Variants in SYK observed in about 807,000 individuals in gnomAD.
SYK encodes the protein spleen associated tyrosine kinase.
Under a neutral mutation model 77.8 loss-of-function variants are expected in SYK, and 16 were observed. The observed-to-expected ratio is 0.21, with a 90% CI of 0.14 to 0.31. The LOEUF (loss-of-function observed/expected upper bound fraction) is 0.31. SYK is among the 10% of genes least tolerant of loss of function. SYK has a pLI of 1.00. For missense variants in SYK, 529 were observed against 814.4 expected, an observed-to-expected ratio of 0.65 and a Z score of 4.26; for synonymous variants, 312 against 308.7, an observed-to-expected ratio of 1.01 and a Z score of -0.11.
chr9:90,828,628 T>A (rs1252675258), intron 1 of SYK, among the ~76,000 whole-genome samples: 3 of 152,198 alleles, frequency 2.0e-5, no homozygotes, highest in Non-Finnish European at 4.4e-5. Context: ...CAATTTTGGT[T>A]GCAACCCAGT....
At chr9:90,857,488 C>T (rs928329112) in intron 3 of SYK, among the ~76,000 whole-genome samples, 9 of 152,192 alleles carry the variant, frequency 5.9e-5, no homozygotes, top group East Asian at 3.8e-4. Flanking sequence ...ATGTTTTAAA[C>T]GACAGGTGTG....
At chr9:90,812,741 A>G (rs868017947) in intron 1 of SYK, among the ~76,000 whole-genome samples, 1,459 of 109,966 alleles carry the variant, frequency 0.013, 11 homozygotes, top group Middle Eastern at 0.034. Context: ...CCCATTTGAT[A>G]TGTGTGTGTG....
At chr9:90,850,855 A>C (rs1826794249) in intron 3 of SYK, among the ~76,000 whole-genome samples, 1 of 152,132 alleles carries the variant, frequency 6.6e-6, no homozygotes, top group Non-Finnish European at 1.5e-5. Context: ...CCTTGAAAAC[A>C]CTGAGGGTAA....
intron 11 of SYK, among the ~76,000 whole-genome samples, chr9:90,882,639 C>G (rs927393379): frequency 6.6e-6 from 1 of 152,168 alleles, no homozygotes; most frequent in Non-Finnish European, 1.5e-5. Flanking sequence ...AATAATTGAC[C>G]TGGGTGGAGA....
chr9:90,883,090 C>A (rs894024253), intron 11 of SYK, among the ~76,000 whole-genome samples: 2 of 152,096 alleles, frequency 1.3e-5, no homozygotes, highest in African/African-American at 4.8e-5. Context: ...AGAACCAAGT[C>A]CCCAAAGGAC....
intron 10 of SYK, among the ~76,000 whole-genome samples, chr9:90,878,420 G>A (rs1828025531): frequency 6.6e-6 from 1 of 152,182 alleles, no homozygotes; most frequent in Non-Finnish European, 1.5e-5. Context: ...CTTTGTAGGT[G>A]AGAAACTGAT....
At chr9:90,849,591 G>A (rs894508937) in intron 3 of SYK, among the ~76,000 whole-genome samples, 8 of 152,146 alleles carry the variant, frequency 5.3e-5, no homozygotes, top group African/African-American at 1.9e-4. Flanking sequence ...CATTACTGAT[G>A]GACAGATGCA....
chr9:90,853,883 A>T (rs1826913613), intron 3 of SYK, among the ~76,000 whole-genome samples: 1 of 152,122 alleles, frequency 6.6e-6, no homozygotes. Flanking sequence ...ATAATAAAAT[A>T]AAATAAAATA....
rs1441301966 is a variant in SYK at position 90,884,505 on chromosome 9, GTACA to G, written c.1582-3235_1582-3232del. ...CACACACATACACATATGTGTACAT[GTACA>G]TACATACACATACACATATGTGTAC... On this transcript the variant is annotated intron_variant, in intron 11 of 13. Transcript: ENST00000375754. Among the ~76,000 whole-genome samples the G allele has an allele frequency of 1.8e-3, 88 of 47,584 alleles. 31 individuals are homozygous for G. Among genetic ancestry groups the G allele is most frequent in the East Asian group, 0.015 (20 of 1,330 alleles). 31.2% of individuals were successfully genotyped at this position (47,584 alleles called of 152,430 possible).
At chr9:90,838,616 A>C (rs1445735446) in intron 1 of SYK, among the ~76,000 whole-genome samples, 1 of 152,246 alleles carries the variant, frequency 6.6e-6, no homozygotes, top group African/African-American at 2.4e-5. Flanking sequence ...TGCCAGACCC[A>C]GCAGGCTGAG....
At chr9:90,865,328 T>C (rs1167521084) in intron 6 of SYK, among the ~76,000 whole-genome samples, 1 of 151,724 alleles carries the variant, frequency 6.6e-6, no homozygotes, top group Non-Finnish European at 1.5e-5. Context: ...TTTTTGGAGA[T>C]GGAGTGTCTC....
intron 1 of SYK, among the ~76,000 whole-genome samples, chr9:90,823,686 T>G (rs539963680): frequency 6.6e-6 from 1 of 152,220 alleles, no homozygotes; most frequent in South Asian, 2.1e-4. Flanking sequence ...TCTAAAAAAA[T>G]ATTTTGAAGT....
At chr9:90,877,529 G>T (rs1290611566) in intron 9 of SYK, 42 bp from the exon 10 acceptor site, 1 of 1,603,354 alleles carries the variant, frequency 6.2e-7, no homozygotes. Flanking sequence ...TAGAAGTGAG[G>T]CATTTTGGAA....
chr9:90,843,837 C>A, intron 1 of SYK, 21 bp from the exon 2 acceptor site: 1 of 1,413,162 alleles, frequency 7.1e-7, no homozygotes, highest in Non-Finnish European at 9.2e-7. Flanking sequence ...CACCAAAGTT[C>A]TCTGTCTCTG....
intron 11 of SYK, among the ~76,000 whole-genome samples, chr9:90,883,307 C>T (rs1828229065): frequency 6.6e-6 from 1 of 152,012 alleles, no homozygotes; most frequent in African/African-American, 2.4e-5. Flanking sequence ...AGGAGCAGGC[C>T]CATAGCCAGC....
At chr9:90,860,019 C>T (rs752598091) in intron 3 of SYK, among the ~76,000 whole-genome samples, 2 of 152,148 alleles carry the variant, frequency 1.3e-5, no homozygotes, top group Non-Finnish European at 2.9e-5. Context: ...GATGGCGTCT[C>T]ACTCTGTTGC....
chr9:90,878,633 C>T (rs1040015717), intron 10 of SYK, 131 bp from the exon 11 acceptor site: 1 of 685,908 alleles, frequency 1.5e-6, no homozygotes, highest in Non-Finnish European at 2.5e-6. Flanking sequence ...TTATTTGTCA[C>T]CACTCGTGAG....
rs1244858250 is a variant in SYK at position 90,884,803 on chromosome 9, A to ATG, written c.1582-2942_1582-2941dup. 1.3e-3 allele frequency among the ~76,000 whole-genome samples: 101 copies of ATG among 75,990 alleles called. 35 individuals carry two copies. The highest frequency in any genetic ancestry group is 2.3e-3 in the Non-Finnish European group (86 of 38,116). 49.9% of individuals were successfully genotyped at this position (75,990 alleles called of 152,430 possible). A position where few individuals can be genotyped will look rare whatever the true frequency, so the allele number is the denominator to read the frequency against. On this transcript the variant is annotated intron_variant, in intron 11 of 13. Coordinates refer to ENST00000375754, the MANE Select transcript of SYK (RefSeq NM_003177.7). ...CATGTGTACATGCACATATACACAT[A>ATG]TGTGTACATACACATATACACATAT...
chr9:90,857,208 A>C (rs575149009), intron 3 of SYK, among the ~76,000 whole-genome samples: 2 of 152,386 alleles, frequency 1.3e-5, no homozygotes, highest in East Asian at 3.8e-4. Context: ...CCACAACAAA[A>C]ACTCTGTTCC....
Sources: gnomAD v4.1 joint callset for allele counts (sites outside exome capture counted in the v4.1 genomes callset) on GRCh38, gnomAD v4.1.1 for gene constraint, MANE v1.5 for transcripts, NCBI Gene and HGNC (gene_info 2026-07-23, HGNC 2026-07-21) for gene names.